LRP1B: variants seen among roughly 807,000 people sequenced by gnomAD.
LRP1B encodes low-density lipoprotein receptor-related protein 1B.
LRP1B carries 217 observed loss-of-function variants against 556.6 expected under a neutral mutation model. That is an observed-to-expected ratio of 0.39 (90% confidence interval 0.35 to 0.44). The LOEUF is 0.44. Ranked by LOEUF, LRP1B falls within the 20% of genes least tolerant of loss-of-function variation. The pLI is 1.00. For missense variants in LRP1B, 5,053 were observed against 5,620.8 expected (o/e 0.90, Z 3.23); for synonymous variants, 2,047 against 1,865.8 (o/e 1.10, Z -2.50).
intron 57 of LRP1B, among the ~76,000 whole-genome samples, chr2:140,489,281 C>A (rs1688602640): frequency 6.6e-6 from 1 of 151,948 alleles, no homozygotes; most frequent in Non-Finnish European, 1.5e-5. Context: ...AATAACCTAA[C>A]CTCACAAAAA....
chr2:142,041,333 T>G (rs1451823170), intron 1 of LRP1B, among the ~76,000 whole-genome samples: 1 of 151,386 alleles, frequency 6.6e-6, no homozygotes, highest in Non-Finnish European at 1.5e-5. Flanking sequence ...TAGTTAGTCA[T>G]GTGGAAGCTG....
chr2:140,844,940 G>T (rs1692229280), intron 29 of LRP1B, among the ~76,000 whole-genome samples: 1 of 152,172 alleles, frequency 6.6e-6, no homozygotes, highest in African/African-American at 2.4e-5. Context: ...CATGGAGTAT[G>T]AATTGCTCAG....
intron 32 of LRP1B, among the ~76,000 whole-genome samples, chr2:140,777,444 C>T (rs1689538109): frequency 6.6e-6 from 1 of 152,172 alleles, no homozygotes; most frequent in Non-Finnish European, 1.5e-5. Context: ...CCAGGTCCCT[C>T]CTGAAACTAA....
intron 3 of LRP1B, among the ~76,000 whole-genome samples, chr2:141,420,123 C>T (rs534140820): frequency 6.6e-6 from 1 of 152,300 alleles, no homozygotes; most frequent in East Asian, 1.9e-4. Context: ...AAATGCCTTA[C>T]TATTATTGTG....
intron 1 of LRP1B, among the ~76,000 whole-genome samples, chr2:142,127,457 C>T (rs1208082208): frequency 6.6e-6 from 1 of 151,778 alleles, no homozygotes; most frequent in Admixed American, 6.6e-5. Flanking sequence ...CATTTTTCCT[C>T]CTGAATTCTG....
chr2:142,112,558 G>A (rs554852865), intron 1 of LRP1B, among the ~76,000 whole-genome samples: 1 of 152,140 alleles, frequency 6.6e-6, no homozygotes, highest in East Asian at 1.9e-4. Flanking sequence ...TAAAATCAGA[G>A]GCATTTGTTC....
chr2:141,132,998 CCT>C (rs1701398162), intron 7 of LRP1B, among the ~76,000 whole-genome samples: 1 of 151,662 alleles, frequency 6.6e-6, no homozygotes, highest in Non-Finnish European at 1.5e-5. Context: ...AAAAGTACAC[CCT>C]GATGTGATTT....
chr2:141,672,366 G>A (rs1434208837), intron 2 of LRP1B, among the ~76,000 whole-genome samples: 1 of 152,134 alleles, frequency 6.6e-6, no homozygotes, highest in Non-Finnish European at 1.5e-5. Context: ...GTAATCCAGA[G>A]TGTTCACAAA....
chr2:140,937,954 T>C (rs1695278511), intron 20 of LRP1B, among the ~76,000 whole-genome samples: 1 of 151,802 alleles, frequency 6.6e-6, no homozygotes, highest in Admixed American at 6.6e-5. Context: ...ACTACCTTGA[T>C]TTTCCACAAA....
intron 2 of LRP1B, among the ~76,000 whole-genome samples, chr2:141,536,075 A>G (rs1411111186): frequency 1.3e-5 from 2 of 152,124 alleles, no homozygotes; most frequent in African/African-American, 2.4e-5. Context: ...CTTCTTTATA[A>G]ACAGTAAATG....
At chr2:141,970,244 T>C (rs1558994421) in intron 1 of LRP1B, among the ~76,000 whole-genome samples, 1 of 151,672 alleles carries the variant, frequency 6.6e-6, no homozygotes, top group Non-Finnish European at 1.5e-5. Context: ...CTTTACTCTG[T>C]TATTGTTGAC....
chr2:141,779,386 T>C (rs1429654482), intron 2 of LRP1B, among the ~76,000 whole-genome samples: 1 of 151,978 alleles, frequency 6.6e-6, no homozygotes, highest in Admixed American at 6.6e-5. Context: ...CAAAATGTAA[T>C]GTGATTATAG....
chr2:142,069,144 G>A (rs1705219939), intron 1 of LRP1B, among the ~76,000 whole-genome samples: 1 of 151,416 alleles, frequency 6.6e-6, no homozygotes, highest in African/African-American at 2.4e-5. Context: ...TGAAATTTGT[G>A]TTTGTATGCA....
chr2:140,519,875 A>G lies in LRP1B; in HGVS notation c.8027-2864T>C, dbSNP rs181685657. 5.0e-3 allele frequency among the ~76,000 whole-genome samples: 762 copies of G among 152,324 alleles called. 5 individuals carry two copies. The highest frequency in any genetic ancestry group is 0.018 in the African/African-American group (733 of 41,570). ...CACATGAAAAAAATGCTCATCATCC[A>G]CTGGTCATCAGAGAAATGCAAATCA... On this transcript the variant is annotated intron_variant, in intron 49 of 90. Coordinates refer to ENST00000389484, the MANE Select transcript of LRP1B (RefSeq NM_018557.3).
intron 2 of LRP1B, among the ~76,000 whole-genome samples, chr2:141,624,990 G>A (rs967799416): frequency 3.9e-5 from 6 of 152,010 alleles, no homozygotes; most frequent in African/African-American, 9.6e-5. Flanking sequence ...GGATGGTCTC[G>A]ATCTCCTGAC....
At chr2:142,002,990 C>T (rs755438871) in intron 1 of LRP1B, among the ~76,000 whole-genome samples, 2 of 152,198 alleles carry the variant, frequency 1.3e-5, no homozygotes, top group Non-Finnish European at 2.9e-5. Context: ...CCTTACAACA[C>T]CTTTCTGTTG....
At chr2:141,050,726 C>T (rs1256819411) in intron 10 of LRP1B, among the ~76,000 whole-genome samples, 1 of 151,992 alleles carries the variant, frequency 6.6e-6, no homozygotes, top group Non-Finnish European at 1.5e-5. Context: ...GCATGGGGAA[C>T]GACTTCATGA....
At chr2:141,153,387 C>CTA (rs1209890791) in intron 7 of LRP1B, among the ~76,000 whole-genome samples, 1 of 72,894 alleles carries the variant, frequency 1.4e-5, no homozygotes, top group Non-Finnish European at 2.8e-5. Flanking sequence ...TATATATAAG[C>CTA]TATATATTTA....
chr2:142,125,100 G>A (rs1045174547), intron 1 of LRP1B, among the ~76,000 whole-genome samples: 4 of 151,704 alleles, frequency 2.6e-5, no homozygotes, highest in Non-Finnish European at 5.9e-5. Flanking sequence ...TTAGAACAGA[G>A]CAATACATAA....
Sources: allele counts gnomAD v4.1 joint callset (sites outside exome capture counted in the v4.1 genomes callset), GRCh38; gene constraint gnomAD v4.1.1; transcripts MANE v1.5; gene names NCBI Gene and HGNC (gene_info 2026-07-23, HGNC 2026-07-21).